The following NOTUM variants were observed in gnomAD, a reference collection of about 807,000 sequenced individuals.
NOTUM encodes the protein palmitoleoyl-protein carboxylesterase NOTUM.
A neutral mutation model predicts 65.5 loss-of-function variants in NOTUM; 36 were observed. That is an observed-to-expected ratio of 0.55 (90% confidence interval 0.42 to 0.73). The LOEUF is 0.73. Among genes scored for constraint, NOTUM ranks in the 30% least tolerant of loss-of-function variants. NOTUM has a pLI of 0.00. For synonymous variants in NOTUM, 356 were observed against 297.9 expected (o/e 1.20, Z -2.01); for missense variants, 659 against 694.2 (o/e 0.95, Z 0.57).
In NOTUM at chr17:81,952,885, TG is replaced by T; in HGVS notation, c.*75del. The T allele has an allele frequency of 7.6e-7, 1 of 1,320,356 alleles. No homozygotes were observed. The highest frequency in any genetic ancestry group is 1.1e-6 in the Non-Finnish European group (1 of 930,532). 81.8% of individuals were successfully genotyped at this position (1,320,356 alleles called of 1,614,324 possible). ...GTCCCGAAGAGACGGGAGGGCCTGC[TG>T]GTGGGGGGTGAGGTGGCACTGGGGC... is the stretch of plus-strand genomic sequence containing the variant. On this transcript the variant is annotated 3_prime_UTR_variant, in exon 11 of 11. Coordinates refer to ENST00000409678, the MANE Select transcript of NOTUM (RefSeq NM_178493.6).
At position 81,956,879 on chromosome 17, in the gene NOTUM, G is replaced by A. The variant is rs373426796; in HGVS notation, c.887+4C>T. 24 of 1,607,648 alleles carry A rather than the reference G, an allele frequency of 1.5e-5. No homozygotes were observed. Among genetic ancestry groups the A allele is most frequent in the Admixed American group, 3.3e-5 (2 of 59,842 alleles). On this transcript the variant is annotated splice_donor_region_variant and intron_variant, in intron 7 of 10. Transcript: ENST00000409678. The stretch of plus-strand genomic sequence containing the variant: ...ACGAGGACGGGCCCTCCCCGCTGCG[G>A]CACCTGATGCCACGGCGGATGGCCT...
At chr17:81,957,344 G>A (rs2041441206) in intron 6 of NOTUM, among the ~76,000 whole-genome samples, 1 of 152,136 alleles carries the variant, frequency 6.6e-6, no homozygotes, top group African/African-American at 2.4e-5. Flanking sequence ...CTTTACCTCA[G>A]GTTCCTTATC....
Position 81,960,948 on chromosome 17 carries a change from G to A in NOTUM, c.-39C>T, listed in dbSNP as rs562594668. The A allele has an allele frequency of 2.7e-6, 3 of 1,130,466 alleles. No homozygotes were observed. Among genetic ancestry groups the A allele is most frequent in the Non-Finnish European group, 3.3e-6 (3 of 909,200 alleles). The allele number at this position is 1,130,466 out of a possible 1,614,324, so 70.0% of individuals were successfully genotyped here. A position where few individuals can be genotyped will look rare whatever the true frequency, so the allele number is the denominator to read the frequency against. On this transcript the variant is annotated 5_prime_UTR_variant, in exon 1 of 11. Transcript: ENST00000409678. The surrounding 1 kb of genome is among the most constrained non-coding windows in gnomAD (Gnocchi z 6.4). ...TGCGGGGAGCGGGCGGCCTTGAGGC[G>A]GCGGCGGCGGCGGCGGGGGATGCCG...
At position 81,957,841 on chromosome 17, in the gene NOTUM, C is replaced by A; in HGVS notation, c.660G>T (p.Leu220=). ...EVVRELLGRG[L]SGAKVLLLAG... is the part of the protein sequence containing the mutation. ...CCAGCAGCAGCACCTTGGCCCCGCTCAGCCCTCTGCCCAGAAGCTCCCGCA... is the reference window on the plus strand; with the variant it reads ...CCAGCAGCAGCACCTTGGCCCCGCTAAGCCCTCTGCCCAGAAGCTCCCGCA... Residue 220 remains leucine (L), a synonymous_variant, in exon 6 of 11, where the codon CTG becomes CTT. Transcript: ENST00000409678. The A allele has an allele frequency of 6.2e-7, 1 of 1,609,048 alleles. No individual in the cohort carries two copies. The highest frequency in any genetic ancestry group is 8.5e-7 in the Non-Finnish European group (1 of 1,178,332).
At chr17:81,956,583 AT>A (rs1372835642) in intron 8 of NOTUM, 66 bp downstream of exon 8, 2 of 1,141,490 alleles carry the variant, frequency 1.8e-6, no homozygotes, top group Non-Finnish European at 2.6e-6. Context: ...TCCACGCTGG[AT>A]TTTCAGAAGC....
Position 81,955,407 on chromosome 17 carries a change from T to C in NOTUM, c.1126A>G (p.Lys376Glu). ...NLGRELRHTL[K>E]DVPASFAPAC... ...GGCCCACACACTCACGGCACGTCCT[T>C]GAGTGTGTGGCGCAGCTCGCGGCCG... The change falls in exon 9 of 11, where the codon AAG (lysine) becomes GAG (glutamate). Residue 376 changes from lysine to glutamate, a missense_variant. By Grantham distance (56) the Lys-to-Glu change is moderately conservative (BLOSUM62 1). Transcript: ENST00000409678. 1.3e-6 allele frequency: 2 copies of C among 1,584,766 alleles called. No individual in the cohort carries two copies. The highest frequency in any genetic ancestry group is 1.7e-6 in the Non-Finnish European group (2 of 1,165,976).
At chr17:81,955,955 G>A (rs989810259) in intron 8 of NOTUM, among the ~76,000 whole-genome samples, 19 of 150,262 alleles carry the variant, frequency 1.3e-4, no homozygotes, top group African/African-American at 4.4e-4. Context: ...CACCCTCCCA[G>A]GCCCCCTGCA....
At position 81,952,823 on chromosome 17, in the gene NOTUM, G is replaced by A; in HGVS notation, c.*138C>T. ...CAGGGAAAGCCGGGGCAGGAGGGCA[G>A]TGGGCAGACCCAGACAGGGGGGACG... On this transcript the variant is annotated 3_prime_UTR_variant, in exon 11 of 11. Coordinates refer to ENST00000409678, the MANE Select transcript of NOTUM (RefSeq NM_178493.6). 1 of 746,104 alleles carries A rather than the reference G, an allele frequency of 1.3e-6. No individual in the cohort carries two copies. The highest frequency in any genetic ancestry group is 1.7e-5 in the South Asian group (1 of 59,706). 46.2% of individuals were successfully genotyped at this position (746,104 alleles called of 1,614,324 possible).
At chr17:81,954,629 G>A (rs1033247693) in intron 9 of NOTUM, among the ~76,000 whole-genome samples, 4 of 152,140 alleles carry the variant, frequency 2.6e-5, no homozygotes, top group East Asian at 3.8e-4. Context: ...TGGCTCTATC[G>A]CCCCAGCTGG....
Position 81,952,801 on chromosome 17 carries a change from G to A in NOTUM, c.*160C>T, listed in dbSNP as rs2041396854. Reference sequence around the variant, plus strand: ...TGGCTGGGCTGTGGGAGAGGGGCAGGGAAAGCCGGGGCAGGAGGGCAGTGG... The same window carrying A: ...TGGCTGGGCTGTGGGAGAGGGGCAGAGAAAGCCGGGGCAGGAGGGCAGTGG... On this transcript the variant is annotated 3_prime_UTR_variant, in exon 11 of 11. Transcript: ENST00000409678. 3 of 650,868 alleles carry A rather than the reference G, an allele frequency of 4.6e-6. No homozygotes were observed. The East Asian group carries it at 7.8e-5, about 17-fold the overall frequency. 40.3% of individuals were successfully genotyped at this position (650,868 alleles called of 1,614,324 possible).
Position 81,953,223 on chromosome 17 carries a change from G to C in NOTUM, c.1229C>G (p.Ala410Gly). Residue 410 changes from alanine to glycine, a missense_variant, in exon 11 of 11, where the codon GCA (alanine) becomes GGA (glycine). By Grantham distance (60) the Ala-to-Gly change is moderately conservative. Coordinates refer to ENST00000409678, the MANE Select transcript of NOTUM (RefSeq NM_178493.6). ...VQVKGTSLPRALHCWDRSLHD... is the reference protein window; with the variant it reads ...VQVKGTSLPRGLHCWDRSLHD... ...GAGGCTCCTGTCCCAGCAGTGCAGT[G>C]CTCGGGGCAGCGACGTCCCCTTCAC... 1 of 1,612,178 alleles carries C rather than the reference G, an allele frequency of 6.2e-7. No homozygotes were observed. The highest frequency in any genetic ancestry group is 8.5e-7 in the Non-Finnish European group (1 of 1,179,640).
Position 81,958,974 on chromosome 17 carries a change from T to G in NOTUM, c.494A>C (p.Gln165Pro). The G allele has an allele frequency of 6.2e-7, 1 of 1,613,142 alleles. No homozygotes were observed. The highest frequency in any genetic ancestry group is 8.5e-7 in the Non-Finnish European group (1 of 1,179,800). Residue 165 changes from glutamine (Q) to proline (P), a missense_variant, in exon 4 of 11, where the codon CAG (glutamine) becomes CCG (proline). By Grantham distance (76) the Gln-to-Pro change is moderately conservative. Transcript: ENST00000409678. ...TRTGTGILSS[Q>P]PEENPYWWNA... Reference sequence around the variant, plus strand: ...CCACCAGTAGGGGTTCTCCTCCGGCTGTGAGGACAGGATCCCTGTGCCTGG... The same window carrying G: ...CCACCAGTAGGGGTTCTCCTCCGGCGGTGAGGACAGGATCCCTGTGCCTGG...
At chr17:81,959,784 T>C (rs1449102719) in intron 1 of NOTUM, 92 bp from the exon 2 acceptor site, 5 of 709,244 alleles carry the variant, frequency 7.0e-6, no homozygotes, top group Non-Finnish European at 9.7e-6. Flanking sequence ...ACGCGCCACC[T>C]GTTCCGGCCG....
At chr17:81,955,212 C>A (rs1040912350) in intron 9 of NOTUM, among the ~76,000 whole-genome samples, 185 bp downstream of exon 9, 1 of 152,178 alleles carries the variant, frequency 6.6e-6, no homozygotes, top group African/African-American at 2.4e-5. Flanking sequence ...CACTCCTGAC[C>A]TCAGGTGATC....
At chr17:81,958,007 G>T in intron 5 of NOTUM, 99 bp from the exon 6 acceptor site, 1 of 872,670 alleles carries the variant, frequency 1.1e-6, no homozygotes, top group Non-Finnish European at 1.9e-6. Context: ...CCCACTGGGG[G>T]ACTGGGAGGA....
At chr17:81,956,016 G>A (rs1285436568) in intron 8 of NOTUM, among the ~76,000 whole-genome samples, 2 of 152,072 alleles carry the variant, frequency 1.3e-5, no homozygotes, top group African/African-American at 4.8e-5. Context: ...TCTCCCCAGG[G>A]GTGTCAGTCA....
intron 3 of NOTUM, chr17:81,959,226 T>G: frequency 1.6e-6 from 1 of 612,328 alleles, no homozygotes; most frequent in Non-Finnish European, 2.9e-6. Context: ...AGGTCTGACC[T>G]TGACTTCAAC....
chr17:81,958,156 G>A (rs183468466), intron 5 of NOTUM, among the ~76,000 whole-genome samples, 179 bp downstream of exon 5: 11 of 152,248 alleles, frequency 7.2e-5, no homozygotes, highest in Admixed American at 3.9e-4. Context: ...TGGGAGCATG[G>A]GGCAGGCACC....
chr17:81,956,742 T>C lies in NOTUM; in HGVS notation c.896A>G (p.Asn299Ser). Reference sequence around the variant, plus strand: ...TCGGCAGCGCTCCGGGACCACCCCGTTCCAGTACCTGGAGCCACAGCCACA... The same window carrying C: ...TCGGCAGCGCTCCGGGACCACCCCGCTCCAGTACCTGGAGCCACAGCCACA... ...EAIRRGIRYW[N>S]GVVPERCRRQ... Residue 299 changes from asparagine (N) to serine (S), a missense_variant, in exon 8 of 11, where the codon AAC becomes AGC. Transcript: ENST00000409678. 6.2e-7 allele frequency: 1 copy of C among 1,612,382 alleles called. No homozygotes were observed. Among genetic ancestry groups the C allele is most frequent in the Non-Finnish European group, 8.5e-7 (1 of 1,179,608 alleles).
Sources: gnomAD v4.1 joint callset for allele counts (sites outside exome capture counted in the v4.1 genomes callset) on GRCh38, gnomAD v4.1.1 for gene constraint, Gnocchi (gnomAD v3.1) non-coding constraint, MANE v1.5 for transcripts, NCBI Gene and HGNC (gene_info 2026-07-23, HGNC 2026-07-21) for gene names.